C1QL4: variants seen among roughly 807,000 people sequenced by gnomAD.
The protein encoded by C1QL4 is complement C1q-like protein 4.
In C1QL4, 5 loss-of-function variants were observed where a neutral mutation model predicts 13.4. The observed-to-expected ratio is 0.37, with a 90% confidence interval of 0.19 to 0.78. The LOEUF is 0.78. Among genes scored for constraint, C1QL4 ranks in the 30% least tolerant of loss-of-function variants. The pLI is 0.47. For missense variants in C1QL4, 367 were observed against 361.6 expected, an observed-to-expected ratio of 1.01 and a Z score of -0.12; for synonymous variants, 168 against 153.9, an observed-to-expected ratio of 1.09 and a Z score of -0.68.
intron 1 of C1QL4, among the ~76,000 whole-genome samples, chr12:49,335,476 A>G (rs1943624281): frequency 6.6e-6 from 1 of 152,222 alleles, no homozygotes; most frequent in Non-Finnish European, 1.5e-5. Flanking sequence ...CTGACTTCCT[A>G]TTGCCTGAGA....
At position 49,332,963 on chromosome 12, in the gene C1QL4, C is replaced by G. The variant is rs1943602523; in HGVS notation, c.*91G>C. On this transcript the variant is annotated 3_prime_UTR_variant, in exon 2 of 2. Transcript: ENST00000334221. ...AGGGTCCACCCCACCGCCAGGCTCT[C>G]AAAGGGTGGGGTGGCGCCTCGGGTG... 4 of 1,360,886 alleles carry G rather than the reference C, an allele frequency of 2.9e-6. No individual in the cohort carries two copies. In the South Asian group the frequency reaches 5.7e-5, roughly 19 times the overall value. The allele number at this position is 1,360,886 out of a possible 1,614,324, so 84.3% of individuals were successfully genotyped here.
Position 49,336,259 on chromosome 12 carries a change from T to A in C1QL4, c.219A>T (p.Gly73=). 7.0e-7 allele frequency: 1 copy of A among 1,436,590 alleles called. No homozygotes were observed. Among genetic ancestry groups the A allele is most frequent in the Non-Finnish European group, 9.1e-7 (1 of 1,101,050 alleles). 89.0% of individuals were successfully genotyped at this position (1,436,590 alleles called of 1,614,324 possible). A position where few individuals can be genotyped will look rare whatever the true frequency, so the allele number is the denominator to read the frequency against. The change falls in exon 1 of 2, where the codon GGA becomes GGT. Residue 73 remains glycine (G), a synonymous_variant. Transcript: ENST00000334221. The surrounding 1 kb of genome is among the most constrained non-coding windows in gnomAD (Gnocchi z 7.7). ...RGKAGLRGPP[G]PPGPRGPPGE... is the part of the protein sequence containing the mutation. ...CTGGGGGCCCTCTTGGACCTGGTGG[T>A]CCAGGGGGCCCCCGCAGGCCTGCTT...
rs754365083 is a variant in C1QL4 at position 49,336,157 on chromosome 12, C to T, written c.321G>A (p.Val107=). 6 of 1,604,692 alleles carry T rather than the reference C, an allele frequency of 3.7e-6. No individual in the cohort carries two copies. In the Admixed American group the frequency reaches 1.0e-4, roughly 27 times the overall value. Residue 107 remains valine (V), a synonymous_variant, in exon 1 of 2, where the codon GTG becomes GTA. Coordinates refer to ENST00000334221, the MANE Select transcript of C1QL4 (RefSeq NM_001008223.2). The surrounding 1 kb of genome is among the most constrained non-coding windows in gnomAD (Gnocchi z 7.7). ...GGCCCGCGTAGAAAGCAATGCGAGG[C>T]ACGTAGCCGGCAGCGGGCGCCACCC... ...PGGVAPAAGY[V]PRIAFYAGLR...
At chr12:49,335,894 C>A (rs774219409) in intron 1 of C1QL4, 47 bp downstream of exon 1, 82 of 1,562,016 alleles carry the variant, frequency 5.2e-5, no homozygotes, top group Non-Finnish European at 6.9e-5. Context: ...GCAGGGAGAT[C>A]TAGAGAGCGA....
In C1QL4 at chr12:49,335,979, C is replaced by T; in HGVS notation, c.499G>A (p.Gly167Ser). 1.9e-6 allele frequency: 3 copies of T among 1,608,192 alleles called. No individual in the cohort carries two copies. The highest frequency in any genetic ancestry group is 2.5e-6 in the Non-Finnish European group (3 of 1,178,298). ...ATGAGGTCGGCCCACATGCTGGTGC[C>T]GTCGCCGCCGCGCATGAGCACGTGG... Reference protein sequence around the residue: ...AYHVLMRGGDGTSMWADLMKN... With the variant: ...AYHVLMRGGDSTSMWADLMKN... Residue 167 changes from glycine (G) to serine (S), a missense_variant, in exon 1 of 2, where the codon GGC becomes AGC. Coordinates refer to ENST00000334221, the MANE Select transcript of C1QL4 (RefSeq NM_001008223.2).
rs760244660 is a variant in C1QL4, at chr12:49,333,039, C to G, written c.*15G>C. The G allele has an allele frequency of 2.5e-6, 4 of 1,585,876 alleles. No individual in the cohort carries two copies. Among genetic ancestry groups the G allele is most frequent in the Admixed American group, 3.4e-5 (2 of 58,632 alleles). On this transcript the variant is annotated 3_prime_UTR_variant, in exon 2 of 2. Transcript: ENST00000334221. The stretch of plus-strand genomic sequence containing the variant: ...GGGAGAGAAGGGGCGAGCGGGGGCA[C>G]GGGGCGGGGCCGGCTCAGTCGGGGT...
At chr12:49,334,130 T>G (rs1943613102) in intron 1 of C1QL4, among the ~76,000 whole-genome samples, 1 of 149,756 alleles carries the variant, frequency 6.7e-6, no homozygotes, top group South Asian at 2.1e-4. Flanking sequence ...GAGGCAGAGG[T>G]TGCCGTGAGC....
chr12:49,335,164 C>T (rs141407638), intron 1 of C1QL4, among the ~76,000 whole-genome samples: 1 of 152,362 alleles, frequency 6.6e-6, no homozygotes, highest in East Asian at 1.9e-4. Context: ...AACTGTGGAA[C>T]CTGGATACTG....
At chr12:49,333,640 G>A (rs958794223) in intron 1 of C1QL4, among the ~76,000 whole-genome samples, 1 of 150,118 alleles carries the variant, frequency 6.7e-6, no homozygotes, top group Non-Finnish European at 1.5e-5. Flanking sequence ...GGGTTCAAGC[G>A]ATTCTCCTGC....
chr12:49,333,764 C>T (rs1450472467), intron 1 of C1QL4, among the ~76,000 whole-genome samples: 1 of 151,632 alleles, frequency 6.6e-6, no homozygotes, highest in Non-Finnish European at 1.5e-5. Flanking sequence ...TCTCGAACTC[C>T]TGATCTCAGG....
At position 49,336,226 on chromosome 12, in the gene C1QL4, G is replaced by A. The variant is rs1367230180; in HGVS notation, c.252C>T (p.Pro84=). The A allele has an allele frequency of 5.4e-6, 8 of 1,488,766 alleles. No homozygotes were observed. In the East Asian group the frequency reaches 7.3e-5, roughly 14 times the overall value. 92.2% of individuals were successfully genotyped at this position (1,488,766 alleles called of 1,614,324 possible). The change falls in exon 1 of 2, where the codon CCC becomes CCT. Residue 84 remains proline (P), a synonymous_variant. Coordinates refer to ENST00000334221, the MANE Select transcript of C1QL4 (RefSeq NM_001008223.2). This position sits in a 1 kb window ranked among gnomAD's most constrained non-coding sequence, Gnocchi z 7.7. ...GAGGGCCCGGGGGGCCTGGCCTGCC[G>A]GGTTCTCCTGGGGGCCCTCTTGGAC... is the stretch of plus-strand genomic sequence containing the variant. ...PPGPRGPPGE[P]GRPGPPGPPG...
At chr12:49,333,991 C>T (rs879324951) in intron 1 of C1QL4, among the ~76,000 whole-genome samples, 120 of 151,408 alleles carry the variant, frequency 7.9e-4, no homozygotes, top group Non-Finnish European at 1.4e-3. Context: ...ATCGGGAGTT[C>T]GAGACCGGCC....
chr12:49,336,291 G>A lies in C1QL4; in HGVS notation c.187C>T (p.Arg63Cys), dbSNP rs373883833. 13 of 1,419,604 alleles carry A rather than the reference G, an allele frequency of 9.2e-6. No homozygotes were observed. The East Asian group carries it at 1.1e-4, about 12-fold the overall frequency. The allele number at this position is 1,419,604 out of a possible 1,614,324, so 87.9% of individuals were successfully genotyped here. A position where few individuals can be genotyped will look rare whatever the true frequency, so the allele number is the denominator to read the frequency against. The change falls in exon 1 of 2, where the codon CGC becomes TGC. Residue 63 changes from arginine (R) to cysteine (C), a missense_variant. Transcript: ENST00000334221. The surrounding 1 kb of genome is among the most constrained non-coding windows in gnomAD (Gnocchi z 7.7). Reference sequence around the variant, plus strand: ...GGCCCCCGCAGGCCTGCTTTCCCGCGCCGGCCCACCTCTCCCTTGGCGCCT... The same window carrying A: ...GGCCCCCGCAGGCCTGCTTTCCCGCACCGGCCCACCTCTCCCTTGGCGCCT... ...PPGAKGEVGR[R>C]GKAGLRGPPG...
chr12:49,334,211 A>G lies in C1QL4; in HGVS notation c.538-978T>C, dbSNP rs142974527. 1.4e-3 allele frequency among the ~76,000 whole-genome samples: 218 copies of G among 152,314 alleles called. 2 individuals are homozygous for G. The highest frequency in any genetic ancestry group is 4.8e-3 in the African/African-American group (200 of 41,574). ...TGTCTCAAAAAATAAATAAAATAAA[A>G]TAAAATTTTGCCTATAGGATAATTT... On this transcript the variant is annotated intron_variant, in intron 1 of 1. Coordinates refer to ENST00000334221, the MANE Select transcript of C1QL4 (RefSeq NM_001008223.2).
rs1309288285 is a variant in C1QL4 at position 49,333,052 on chromosome 12, G to T, written c.*2C>A. ...CGAGCGGGGGCACGGGGCGGGGCCG[G>T]CTCAGTCGGGGTAGATGATGAAGCC... On this transcript the variant is annotated 3_prime_UTR_variant, in exon 2 of 2. Coordinates refer to ENST00000334221, the MANE Select transcript of C1QL4 (RefSeq NM_001008223.2). 6.2e-7 allele frequency: 1 copy of T among 1,610,398 alleles called. No individual in the cohort carries two copies.
rs1307027562 is a variant in C1QL4 at position 49,336,142 on chromosome 12, G to A, written c.336C>T (p.Phe112=). The change falls in exon 1 of 2, where the codon TTC becomes TTT. Residue 112 remains phenylalanine, a synonymous_variant. Transcript: ENST00000334221. This position sits in a 1 kb window ranked among gnomAD's most constrained non-coding sequence, Gnocchi z 7.7. ...PAAGYVPRIA[F]YAGLRRPHEG... Reference sequence around the variant, plus strand: ...CGTGGGGCCGCCGCAGGCCCGCGTAGAAAGCAATGCGAGGCACGTAGCCGG... The same window carrying A: ...CGTGGGGCCGCCGCAGGCCCGCGTAAAAAGCAATGCGAGGCACGTAGCCGG... 1.2e-6 allele frequency: 2 copies of A among 1,610,054 alleles called. No individual in the cohort carries two copies. The highest frequency in any genetic ancestry group is 1.7e-6 in the Non-Finnish European group (2 of 1,178,904).
In C1QL4 at chr12:49,332,808, G is replaced by C. The variant is rs1943600641; in HGVS notation, c.*246C>G. 2 of 535,372 alleles carry C rather than the reference G, an allele frequency of 3.7e-6. No individual in the cohort carries two copies. The highest frequency in any genetic ancestry group is 6.6e-5 in the East Asian group (2 of 30,518). 33.2% of individuals were successfully genotyped at this position (535,372 alleles called of 1,614,324 possible). On this transcript the variant is annotated 3_prime_UTR_variant, in exon 2 of 2. Coordinates refer to ENST00000334221, the MANE Select transcript of C1QL4 (RefSeq NM_001008223.2). ...ACGACCTCTGCCCCTATGGGGTCCA[G>C]CGCGCACTTGGGTGCGGGTGATCCC...
In C1QL4 at chr12:49,332,889, A is replaced by G; in HGVS notation, c.*165T>C. ...TCTCCTCCTCTTCCCGGCCACTTAT[A>G]CCCTTGAGCACCAAGAGTTCGCCCA... is the stretch of plus-strand genomic sequence containing the variant. On this transcript the variant is annotated 3_prime_UTR_variant, in exon 2 of 2. Coordinates refer to ENST00000334221, the MANE Select transcript of C1QL4 (RefSeq NM_001008223.2). 1.4e-6 allele frequency: 1 copy of G among 707,488 alleles called. No individual in the cohort carries two copies. Among genetic ancestry groups the G allele is most frequent in the South Asian group, 1.9e-5 (1 of 52,362 alleles). 43.8% of individuals were successfully genotyped at this position (707,488 alleles called of 1,614,324 possible).
chr12:49,334,896 G>T (rs948361861), intron 1 of C1QL4, among the ~76,000 whole-genome samples: 3 of 152,300 alleles, frequency 2.0e-5, no homozygotes, highest in South Asian at 2.1e-4. Context: ...GCAGGTAGAT[G>T]CTGCCGCGGT....
Sources: gnomAD v4.1 joint callset for allele counts (sites outside exome capture counted in the v4.1 genomes callset) on GRCh38, gnomAD v4.1.1 for gene constraint, Gnocchi (gnomAD v3.1) non-coding constraint, MANE v1.5 for transcripts, NCBI Gene and HGNC (gene_info 2026-07-23, HGNC 2026-07-21) for gene names.